Variants in PLCXD1 observed in about 807,000 individuals in gnomAD.
The protein encoded by PLCXD1 is phosphatidylinositol specific phospholipase C X domain containing 1, also known as PI-PLC X domain-containing protein 1.
PLCXD1 carries 45 observed loss-of-function variants against 37.8 expected under a neutral mutation model. That is an observed-to-expected ratio of 1.19 (90% confidence interval 0.94 to 1.53). The LOEUF is 1.53. PLCXD1 is among the 40% of genes most tolerant of loss of function. The pLI is 0.00. For missense variants in PLCXD1, 539 were observed against 454.7 expected (o/e 1.19, Z -1.69); for synonymous variants, 246 against 206.9 (o/e 1.19, Z -1.62).
At chrX:293,277 C>G (rs993366204) in intron 6 of PLCXD1, 59 bp downstream of exon 6, 3 of 1,341,034 alleles carry the variant, frequency 2.2e-6, no homozygotes, top group Non-Finnish European at 1.0e-6. Flanking sequence ...CGCCCTGCGG[C>G]AGGCCGGGTC....
chrX:289,811 G>A (rs1014315003), intron 3 of PLCXD1, among the ~76,000 whole-genome samples: 8 of 151,908 alleles, frequency 5.3e-5, no homozygotes, highest in East Asian at 3.9e-4. Context: ...GCGCCCGGCC[G>A]AGACAACCCC....
rs2069933882 is a variant in PLCXD1 at position 299,537 on chromosome X, A to G, written c.*202A>G. On this transcript the variant is annotated 3_prime_UTR_variant, in exon 7 of 7. Coordinates refer to ENST00000381657, the MANE Select transcript of PLCXD1 (RefSeq NM_018390.4). ...CACTTTGGGAGGCCGAGGTGGGTGG[A>G]TCATGAGGTCAGGAGCTTGAGAGCA... 1.7e-6 allele frequency: 1 copy of G among 605,586 alleles called. No individual in the cohort carries two copies. Among genetic ancestry groups the G allele is most frequent in the East Asian group, 2.8e-5 (1 of 36,358 alleles). The allele number at this position is 605,586 out of a possible 1,614,324, so 37.5% of individuals were successfully genotyped here. A position where few individuals can be genotyped will look rare whatever the true frequency, so the allele number is the denominator to read the frequency against.
At chrX:284,457 T>A in intron 2 of PLCXD1, 143 bp downstream of exon 2, 1 of 845,812 alleles carries the variant, frequency 1.2e-6, no homozygotes, top group Non-Finnish European at 1.9e-6. Context: ...GAAAGCACAC[T>A]GATGTGGACA....
At chrX:279,788 AG>A (rs1430345796), upstream of PLCXD1, among the ~76,000 whole-genome samples, 1 of 151,816 alleles carries the variant, frequency 6.6e-6, no homozygotes, top group Non-Finnish European at 1.5e-5. Context: ...AAAAAAAAAA[AG>A]AAGAAAAAAA....
Position 286,248 on chromosome X carries a change from A to T in PLCXD1, c.127+1934A>T, listed in dbSNP as rs190679168. 1.0e-3 allele frequency among the ~76,000 whole-genome samples: 153 copies of T among 152,172 alleles called. 3 individuals carry two copies. The East Asian group carries it at 0.028, about 28-fold the overall frequency. ...CCTGGCTGATTTTTGTATTTTTAGC[A>T]GAGATGGGGTTTCACCATGTTGGTC... On this transcript the variant is annotated intron_variant, in intron 2 of 6. Transcript: ENST00000381657.
intron 6 of PLCXD1, among the ~76,000 whole-genome samples, chrX:296,740 G>C (rs2069821046): frequency 6.6e-6 from 1 of 152,116 alleles, no homozygotes; most frequent in African/African-American, 2.4e-5. Flanking sequence ...CTATCACATG[G>C]GGGATAAGAA....
intron 6 of PLCXD1, among the ~76,000 whole-genome samples, chrX:294,481 C>CAAA (rs962052329): frequency 1.1e-4 from 10 of 93,764 alleles, no homozygotes; most frequent in African/African-American, 3.4e-4. Context: ...AACTCTGTCT[C>CAAA]AAAAAAAAAA....
chrX:285,128 A>G (rs1339218334), intron 2 of PLCXD1, among the ~76,000 whole-genome samples: 1 of 58,380 alleles, frequency 1.7e-5, no homozygotes, highest in Non-Finnish European at 3.3e-5. Context: ...ATGCATGCGC[A>G]CACACATACA....
At chrX:285,564 T>C (rs2069426791) in intron 2 of PLCXD1, among the ~76,000 whole-genome samples, 1 of 125,238 alleles carries the variant, frequency 8.0e-6, no homozygotes, top group African/African-American at 3.1e-5. Context: ...CATGTACACA[T>C]TTGCACCTAT....
intron 3 of PLCXD1, 84 bp downstream of exon 3, chrX:288,953 C>G (rs1183006235): frequency 7.3e-7 from 1 of 1,373,260 alleles, no homozygotes; most frequent in South Asian, 1.2e-5. Context: ...GGCCCCTCAC[C>G]CAGGTAGGGT....
At chrX:292,268 A>C (rs2069661584) in intron 5 of PLCXD1, among the ~76,000 whole-genome samples, 1 of 151,932 alleles carries the variant, frequency 6.6e-6, no homozygotes, top group South Asian at 2.1e-4. Flanking sequence ...ATCCTGGCTA[A>C]CACGGTGAAA....
chrX:299,021 A>G, intron 6 of PLCXD1, 76 bp from the exon 7 acceptor site: 1 of 1,101,394 alleles, frequency 9.1e-7, no homozygotes, highest in Non-Finnish European at 1.4e-6. Context: ...CGAACCTCTA[A>G]TAATGTGACT....
chrX:283,952 G>T (rs765507484), intron 1 of PLCXD1: 3 of 486,404 alleles, frequency 6.2e-6, no homozygotes, highest in African/African-American at 5.9e-5. Flanking sequence ...CGGGATCTCC[G>T]CTCACTGTAA....
At chrX:285,193 C>G (rs1273031408) in intron 2 of PLCXD1, among the ~76,000 whole-genome samples, 1 of 150,066 alleles carries the variant, frequency 6.7e-6, no homozygotes, top group Non-Finnish European at 1.5e-5. Context: ...TATACATGCA[C>G]ACACACAGGT....
At chrX:292,690 G>A (rs111550483) in intron 5 of PLCXD1, among the ~76,000 whole-genome samples, 2 of 151,854 alleles carry the variant, frequency 1.3e-5, no homozygotes, top group South Asian at 2.1e-4. Flanking sequence ...TCGGCTCACC[G>A]CAACCTCTGC....
intron 6 of PLCXD1, among the ~76,000 whole-genome samples, chrX:295,995 A>G (rs976701353): frequency 9.3e-5 from 14 of 151,208 alleles, no homozygotes; most frequent in African/African-American, 1.2e-4. Flanking sequence ...TATTTTTAGT[A>G]GAGATGGGGT....
intron 6 of PLCXD1, among the ~76,000 whole-genome samples, chrX:295,986 A>G (rs28475241): frequency 6.8e-6 from 1 of 146,974 alleles, no homozygotes; most frequent in Non-Finnish European, 1.5e-5. Flanking sequence ...GCTAATTTTT[A>G]TTTTTAGTAG....
At chrX:298,251 CTAT>C (rs1368475959) in intron 6 of PLCXD1, among the ~76,000 whole-genome samples, 3 of 14,142 alleles carry the variant, frequency 2.1e-4, no homozygotes, top group Non-Finnish European at 3.1e-4. Flanking sequence ...ATTATTCTGT[CTAT>C]CACATGGGGA....
Position 284,246 on chromosome X carries a change from A to G in PLCXD1, c.59A>G (p.Asn20Ser), listed in dbSNP as rs777216886. 5 of 1,613,386 alleles carry G rather than the reference A, an allele frequency of 3.1e-6. No homozygotes were observed. Among genetic ancestry groups the G allele is most frequent in the East Asian group, 2.2e-5 (1 of 44,888 alleles). ...TCGAGGCTGCACTGCAGAAATGCCAACGAGGACTGGATGTCGGCACTGTGT... is the reference window on the plus strand; with the variant it reads ...TCGAGGCTGCACTGCAGAAATGCCAGCGAGGACTGGATGTCGGCACTGTGT... Reference protein sequence around the residue: ...SFSRLHCRNANEDWMSALCPR... With the variant: ...SFSRLHCRNASEDWMSALCPR... Residue 20 changes from asparagine (N) to serine (S), a missense_variant, in exon 2 of 7, where the codon AAC (asparagine) becomes AGC (serine). Physicochemically the swap from Asn to Ser is conservative, Grantham distance 46. Coordinates refer to ENST00000381657, the MANE Select transcript of PLCXD1 (RefSeq NM_018390.4).
Sources: allele counts gnomAD v4.1 joint callset (sites outside exome capture counted in the v4.1 genomes callset), GRCh38; gene constraint gnomAD v4.1.1; transcripts MANE v1.5; gene names NCBI Gene and HGNC (gene_info 2026-07-23, HGNC 2026-07-21).